DHX35: variants seen among roughly 807,000 people sequenced by gnomAD.
DHX35 encodes the protein probable ATP-dependent RNA helicase DHX35.
In DHX35, 84 loss-of-function variants were observed where a neutral mutation model predicts 99.6. That is an observed-to-expected ratio of 0.84 (90% confidence interval 0.71 to 1.01). The LOEUF (loss-of-function observed/expected upper bound fraction) is 1.01, where lower values mean the gene tolerates loss of function less well. Ranked by LOEUF, DHX35 falls within the 50% of genes least tolerant of loss-of-function variation. DHX35 has a pLI of 0.00. For missense variants in DHX35, 852 were observed against 888.5 expected (o/e 0.96, Z 0.52); for synonymous variants, 331 against 316.2 (o/e 1.05, Z -0.50).
chr20:39,024,664 TC>T (rs2086924363), intron 17 of DHX35, among the ~76,000 whole-genome samples: 1 of 152,230 alleles, frequency 6.6e-6, no homozygotes, highest in African/African-American at 2.4e-5. Context: ...AATTACATTT[TC>T]TTTTTTAAAG....
intron 21 of DHX35, among the ~76,000 whole-genome samples, chr20:39,037,275 G>A (rs911472426): frequency 2.0e-5 from 3 of 152,184 alleles, no homozygotes; most frequent in Non-Finnish European, 4.4e-5. Context: ...GGGGAAGAAC[G>A]GGGTGACCTA....
In DHX35 at chr20:39,018,993, T is replaced by C. The variant is rs1025903684; in HGVS notation, c.1498+94T>C. 4 of 1,114,462 alleles carry C rather than the reference T, an allele frequency of 3.6e-6. No individual in the cohort carries two copies. The African/African-American group carries it at 4.7e-5, about 13-fold the overall frequency. 69.0% of individuals were successfully genotyped at this position (1,114,462 alleles called of 1,614,324 possible). On this transcript the variant is annotated intron_variant, in intron 15 of 21. Transcript: ENST00000252011. Reference sequence around the variant, plus strand: ...GAGCACCCTGGGGAAGAGGGTACAATATGGTAAAGAAGTATATATATATCT... The same window carrying C: ...GAGCACCCTGGGGAAGAGGGTACAACATGGTAAAGAAGTATATATATATCT...
At chr20:39,017,108 A>G (rs1458998778) in intron 14 of DHX35, among the ~76,000 whole-genome samples, 2 of 152,042 alleles carry the variant, frequency 1.3e-5, no homozygotes, top group Admixed American at 1.3e-4. Flanking sequence ...TGTCTAAGAA[A>G]CTTGCCTAAC....
At chr20:38,974,091 A>C (rs542924672) in intron 3 of DHX35, among the ~76,000 whole-genome samples, 24 of 152,318 alleles carry the variant, frequency 1.6e-4, no homozygotes, top group African/African-American at 3.8e-4. Flanking sequence ...TCCTGTGTTC[A>C]ACTTTAGTAA....
intron 13 of DHX35, among the ~76,000 whole-genome samples, chr20:39,014,284 A>G (rs1214349046): frequency 6.6e-6 from 1 of 152,238 alleles, no homozygotes; most frequent in African/African-American, 2.4e-5. Flanking sequence ...GAAAGGAGGT[A>G]AAGATCTGGA....
intron 8 of DHX35, among the ~76,000 whole-genome samples, chr20:38,996,796 TA>T (rs1568733539): frequency 1.3e-5 from 2 of 152,140 alleles, no homozygotes; most frequent in Non-Finnish European, 1.5e-5. Context: ...CTGCCCATGG[TA>T]ACTTTTGGGT....
At chr20:39,029,277 T>C (rs1014852705) in intron 19 of DHX35, 2 of 152,146 alleles carry the variant, frequency 1.3e-5, no homozygotes, top group Non-Finnish European at 2.9e-5. Flanking sequence ...AGCTCTTCTA[T>C]GTATTATTTT....
chr20:39,021,980 C>T (rs773281494), intron 16 of DHX35, 45 bp downstream of exon 16: 1 of 1,591,010 alleles, frequency 6.3e-7, no homozygotes, highest in South Asian at 1.1e-5. Flanking sequence ...GTCTCTTTTG[C>T]TTTGAGCTTT....
At chr20:38,984,586 A>G (rs1282298502) in intron 4 of DHX35, among the ~76,000 whole-genome samples, 2 of 152,222 alleles carry the variant, frequency 1.3e-5, no homozygotes, top group Non-Finnish European at 2.9e-5. Context: ...AAAGAGTACA[A>G]AAAAATTCAA....
chr20:38,970,568 A>G (rs1031337388), intron 2 of DHX35, among the ~76,000 whole-genome samples: 2 of 152,232 alleles, frequency 1.3e-5, no homozygotes, highest in African/African-American at 4.8e-5. Context: ...TTCAAACCCA[A>G]GCTTCACCAT....
At chr20:39,024,741 T>C (rs1031921888) in intron 17 of DHX35, among the ~76,000 whole-genome samples, 2 of 152,252 alleles carry the variant, frequency 1.3e-5, no homozygotes, top group African/African-American at 4.8e-5. Context: ...TAAGACATAA[T>C]GATCATACTT....
In DHX35 at chr20:39,038,532, C is replaced by T. The variant is rs942690865; in HGVS notation, c.2101C>T (p.Gln701Ter). 1.9e-6 allele frequency: 3 copies of T among 1,612,814 alleles called. No homozygotes were observed. The African/African-American group carries it at 4.0e-5, about 22-fold the overall frequency. ...TCTGAAAGCCAAAAGGGCCAAGGTC[C>T]AGGACCCGTGAGAGGAGCCCACAGC... The part of the protein sequence containing the change: ...LSLKAKRAKV[Q>*]DP Residue 701 changes from glutamine (Q) to a stop codon, truncating the protein, a stop_gained, in exon 22 of 22, where the codon CAG becomes TAG. Coordinates refer to ENST00000252011, the MANE Select transcript of DHX35 (RefSeq NM_021931.4). LOFTEE classifies it high-confidence loss of function.
chr20:38,989,097 CTTTTTTT>C (rs375064892), intron 5 of DHX35, among the ~76,000 whole-genome samples, 180 bp downstream of exon 5: 257 of 125,318 alleles, frequency 2.1e-3, no homozygotes, highest in Non-Finnish European at 3.3e-3. Context: ...TTCCTTTTTT[CTTTTTTT>C]TTTTTTTTTT....
At chr20:38,984,787 A>G (rs2086225237) in intron 4 of DHX35, among the ~76,000 whole-genome samples, 1 of 152,100 alleles carries the variant, frequency 6.6e-6, no homozygotes, top group Non-Finnish European at 1.5e-5. Context: ...CCTTAATTCT[A>G]GCTTGAATGG....
At chr20:38,986,116 T>C (rs1386064242) in intron 4 of DHX35, among the ~76,000 whole-genome samples, 1 of 152,162 alleles carries the variant, frequency 6.6e-6, no homozygotes, top group Non-Finnish European at 1.5e-5. Context: ...TCATGGGCTG[T>C]GTGTCTATTT....
chr20:39,014,811 G>C, intron 13 of DHX35, 69 bp from the exon 14 acceptor site: 1 of 1,588,964 alleles, frequency 6.3e-7, no homozygotes, highest in Non-Finnish European at 8.6e-7. Flanking sequence ...ATTTGAAAAG[G>C]AAACAGCCAC....
rs768115413 is a variant in DHX35 at position 39,002,780 on chromosome 20, C to G, written c.764C>G (p.Pro255Arg). The G allele has an allele frequency of 6.2e-7, 1 of 1,613,976 alleles. No homozygotes were observed. Among genetic ancestry groups the G allele is most frequent in the Non-Finnish European group, 8.5e-7 (1 of 1,179,906 alleles). The change falls in exon 10 of 22, where the codon CCA becomes CGA. Residue 255 changes from proline (P) to arginine (R), a missense_variant. Physicochemically the swap from Pro to Arg is moderately radical, Grantham distance 103 (BLOSUM62 -2). Coordinates refer to ENST00000252011, the MANE Select transcript of DHX35 (RefSeq NM_021931.4). ...CCCATTTGTCTTTTCAGTCCTGTTCCAGATTATATCAAATCAACTGTCGAA... is the reference window on the plus strand; with the variant it reads ...CCCATTTGTCTTTTCAGTCCTGTTCGAGATTATATCAAATCAACTGTCGAA... ...VDIFYLQSPVPDYIKSTVETV... is the reference protein window; with the variant it reads ...VDIFYLQSPVRDYIKSTVETV...
chr20:38,963,735 A>G (rs1007427228), intron 1 of DHX35, among the ~76,000 whole-genome samples: 1 of 152,262 alleles, frequency 6.6e-6, no homozygotes, highest in African/African-American at 2.4e-5. Context: ...TTGAGGGTAC[A>G]CTTATTGAAA....
chr20:39,004,016 A>G (rs941400510), intron 11 of DHX35, 109 bp downstream of exon 11: 13 of 1,256,866 alleles, frequency 1.0e-5, no homozygotes, highest in Non-Finnish European at 1.5e-5. Context: ...CTAGGTCCAT[A>G]TTTCTGTGTA....
Sources: allele counts gnomAD v4.1 joint callset (sites outside exome capture counted in the v4.1 genomes callset), GRCh38; gene constraint gnomAD v4.1.1; transcripts MANE v1.5; gene names NCBI Gene and HGNC (gene_info 2026-07-23, HGNC 2026-07-21).